PKHD1L1: variants seen among roughly 807,000 people sequenced by gnomAD.
PKHD1L1 encodes the protein PKHD1 like 1.
Under a neutral mutation model 462.9 loss-of-function variants are expected in PKHD1L1, and 434 were observed. The observed-to-expected ratio is 0.94, with a 90% confidence interval of 0.87 to 1.02. The LOEUF is 1.02. PKHD1L1 is among the 50% of genes least tolerant of loss of function. The pLI is 0.00. For synonymous variants in PKHD1L1, 1,781 were observed against 1,750.0 expected (o/e 1.02, Z -0.44); for missense variants, 5,202 against 5,096.1 (o/e 1.02, Z -0.63).
At chr8:109,392,831 C>T (rs1202086696) in intron 9 of PKHD1L1, among the ~76,000 whole-genome samples, 1 of 152,054 alleles carries the variant, frequency 6.6e-6, no homozygotes, top group Non-Finnish European at 1.5e-5. Flanking sequence ...TCTGTGGCAT[C>T]TATTCTGTAT....
At chr8:109,458,795 A>C (rs1486785108) in intron 46 of PKHD1L1, among the ~76,000 whole-genome samples, 1 of 152,114 alleles carries the variant, frequency 6.6e-6, no homozygotes, top group Non-Finnish European at 1.5e-5. Flanking sequence ...TTTAGTAGAT[A>C]ATATATTATA....
At chr8:109,415,340 C>T (rs1201822373) in intron 21 of PKHD1L1, among the ~76,000 whole-genome samples, 2 of 152,074 alleles carry the variant, frequency 1.3e-5, no homozygotes, top group Non-Finnish European at 2.9e-5. Context: ...CAGCCAGTTC[C>T]CAATTCATAA....
Position 109,502,047 on chromosome 8 carries a change from CCCACACCACA to C in PKHD1L1, c.10829-2261_10829-2252del, listed in dbSNP as rs369417725. On this transcript the variant is annotated intron_variant, in intron 67 of 77. Transcript: ENST00000378402. ...AATTTCTTTTAATTGGAAAGATCTTCCCACACCACACCACACCACACCACACCATACCACA... is the reference window on the plus strand; with the variant it reads ...AATTTCTTTTAATTGGAAAGATCTTCCCACACCACACCACACCATACCACA... Among the ~76,000 whole-genome samples the C allele has an allele frequency of 7.2e-5, 11 of 151,930 alleles. No homozygotes were observed. The South Asian group carries it at 2.1e-3, about 29-fold the overall frequency.
At chr8:109,460,095 A>G (rs1200383683) in intron 47 of PKHD1L1, among the ~76,000 whole-genome samples, 2 of 152,112 alleles carry the variant, frequency 1.3e-5, no homozygotes, top group Admixed American at 6.6e-5. Context: ...TGCTGACACT[A>G]TAATGGGAGA....
rs374437368 is a variant in PKHD1L1, at chr8:109,491,990, T to G, written c.10232T>G (p.Ile3411Ser). 2 of 1,527,694 alleles carry G rather than the reference T, an allele frequency of 1.3e-6. No individual in the cohort carries two copies. Among genetic ancestry groups the G allele is most frequent in the African/African-American group, 2.8e-5 (2 of 72,382 alleles). The allele number at this position is 1,527,694 out of a possible 1,614,324, so 94.6% of individuals were successfully genotyped here. The change falls in exon 62 of 78, where the codon ATT becomes AGT. Residue 3411 changes from isoleucine (I) to serine (S), a missense_variant. Ile to Ser is a moderately radical substitution (Grantham distance 142). This residue lies in a region of PKHD1L1 where 4,497 missense variants were observed against 4,336.8 expected (regional missense o/e 1.04). Coordinates refer to ENST00000378402, the MANE Select transcript of PKHD1L1 (RefSeq NM_177531.6). ...DLSSTLWHAAIEINRGTNTVL... is the reference protein window; with the variant it reads ...DLSSTLWHAASEINRGTNTVL... ...AGTTCAACTCTCTGGCATGCAGCAA[T>G]TGAGGTAGTGAAAACAAACTTATAA... is the stretch of plus-strand genomic sequence containing the variant.
At chr8:109,455,089 G>A (rs1345101120) in intron 45 of PKHD1L1, among the ~76,000 whole-genome samples, 2 of 152,176 alleles carry the variant, frequency 1.3e-5, no homozygotes, top group Non-Finnish European at 2.9e-5. Context: ...TGTAATCCCA[G>A]CACCTGGGGA....
At position 109,412,317 on chromosome 8, in the gene PKHD1L1, G is replaced by GAA; in HGVS notation, c.2138_2139insAA (p.Tyr714IlefsTer4). 1 of 1,613,764 alleles carries GAA rather than the reference G, an allele frequency of 6.2e-7. No homozygotes were observed. The highest frequency in any genetic ancestry group is 1.1e-5 in the South Asian group (1 of 91,068). ...GCTGAAACCGATGCTTACTGTGGTC[G>GAA]TTATTCCCTGAAAAACCCAGCTGTT... On this transcript the variant is annotated frameshift_variant, in exon 20 of 78. Transcript: ENST00000378402. LOFTEE classifies it high-confidence loss of function.
At chr8:109,364,376 C>T (rs1424627368) in intron 1 of PKHD1L1, among the ~76,000 whole-genome samples, 171 bp from the exon 2 acceptor site, 1 of 152,206 alleles carries the variant, frequency 6.6e-6, no homozygotes, top group Non-Finnish European at 1.5e-5. Flanking sequence ...AAGTTAATGA[C>T]TCTGTCAAGT....
Position 109,518,307 on chromosome 8 carries a change from T to A in PKHD1L1, c.11830T>A (p.Leu3944Ile). The A allele has an allele frequency of 6.2e-7, 1 of 1,613,168 alleles. No individual in the cohort carries two copies. The highest frequency in any genetic ancestry group is 2.2e-5 in the East Asian group (1 of 44,856). ...TATVIFVSFQ[L>I]SVATEDDFYT... ...CACAGTGATATTTGTTTCTTTCCAA[T>A]TATCTGTTGCAACAGAAGATGACTT... The change falls in exon 73 of 78, where the codon TTA becomes ATA. Residue 3944 changes from leucine (L) to isoleucine (I), a missense_variant. Leu to Ile is a conservative substitution (Grantham distance 5). Transcript: ENST00000378402.
intron 5 of PKHD1L1, among the ~76,000 whole-genome samples, chr8:109,384,812 AT>A (rs1371348644): frequency 6.6e-6 from 1 of 151,930 alleles, no homozygotes; most frequent in Non-Finnish European, 1.5e-5. Context: ...AATTAAACTT[AT>A]TTTTTGCCTA....
At chr8:109,384,565 G>T (rs375751595) in intron 5 of PKHD1L1, among the ~76,000 whole-genome samples, 8 of 152,004 alleles carry the variant, frequency 5.3e-5, no homozygotes, top group Middle Eastern at 3.4e-3. Flanking sequence ...TTAAAAAATT[G>T]ATTTTCAATG....
chr8:109,443,312 T>G (rs1356082970), intron 36 of PKHD1L1, among the ~76,000 whole-genome samples, 196 bp downstream of exon 36: 1 of 152,176 alleles, frequency 6.6e-6, no homozygotes, highest in Non-Finnish European at 1.5e-5. Flanking sequence ...TTCCTACCAG[T>G]CTTTCCCCCA....
intron 71 of PKHD1L1, among the ~76,000 whole-genome samples, chr8:109,514,233 CT>C (rs757684844): frequency 2.0e-5 from 3 of 152,154 alleles, no homozygotes; most frequent in Admixed American, 6.6e-5. Context: ...TCAGATTCCA[CT>C]TTCTCAATAG....
At chr8:109,373,456 C>T (rs1192323033) in intron 2 of PKHD1L1, among the ~76,000 whole-genome samples, 3 of 149,546 alleles carry the variant, frequency 2.0e-5, no homozygotes, top group Non-Finnish European at 3.0e-5. Context: ...AAAAAACCAG[C>T]TCCTGGATTC....
At chr8:109,442,671 A>G (rs1214691080) in intron 35 of PKHD1L1, among the ~76,000 whole-genome samples, 1 of 152,008 alleles carries the variant, frequency 6.6e-6, no homozygotes, top group Non-Finnish European at 1.5e-5. Context: ...TTCATGTTGA[A>G]TTTTCTTTAA....
intron 10 of PKHD1L1, 109 bp downstream of exon 10, chr8:109,394,594 T>C (rs1190547458): frequency 1.5e-6 from 1 of 667,136 alleles, no homozygotes; most frequent in African/African-American, 1.9e-5. Context: ...TTATTTGATG[T>C]ACTGCTAGGA....
intron 34 of PKHD1L1, 148 bp from the exon 35 acceptor site, chr8:109,441,859 T>C (rs1289440080): frequency 1.8e-6 from 1 of 565,270 alleles, no homozygotes; most frequent in African/African-American, 2.0e-5. Flanking sequence ...TTTGTTTTTG[T>C]TAAGTGCTTA....
chr8:109,371,510 T>C (rs1402815154), intron 2 of PKHD1L1, among the ~76,000 whole-genome samples: 1 of 150,174 alleles, frequency 6.7e-6, no homozygotes, highest in Non-Finnish European at 1.5e-5. Context: ...TTAGTTTAAT[T>C]AGATCCCATT....
At chr8:109,449,556 T>G in intron 40 of PKHD1L1, 69 bp downstream of exon 40, 2 of 1,361,398 alleles carry the variant, frequency 1.5e-6, no homozygotes, top group Non-Finnish European at 1.9e-6. Flanking sequence ...AGTTAATTTC[T>G]TTTTTCAAGT....
Sources: allele counts gnomAD v4.1 joint callset (sites outside exome capture counted in the v4.1 genomes callset), GRCh38; gene constraint gnomAD v4.1.1; regional missense constraint gnomAD v4.1.1; transcripts MANE v1.5; gene names NCBI Gene and HGNC (gene_info 2026-07-23, HGNC 2026-07-21).